Variants in ADRA1B observed in about 807,000 individuals in gnomAD.
The protein encoded by ADRA1B is alpha-1B adrenergic receptor.
Under a neutral mutation model 17.9 loss-of-function variants are expected in ADRA1B, and 17 were observed. That is an observed-to-expected ratio of 0.95 (90% CI 0.65 to 1.42). The LOEUF (loss-of-function observed/expected upper bound fraction) is 1.42, where lower values mean the gene tolerates loss of function less well. Among genes scored for constraint, ADRA1B ranks in the 40% most tolerant of loss-of-function variants. The pLI is 0.00. For synonymous variants in ADRA1B, 366 were observed against 327.6 expected, an observed-to-expected ratio of 1.12 and a Z score of -1.27; for missense variants, 681 against 722.1, an observed-to-expected ratio of 0.94 and a Z score of 0.65.
chr5:159,930,972 A>C (rs1394583081), intron 1 of ADRA1B, among the ~76,000 whole-genome samples: 1 of 147,996 alleles, frequency 6.8e-6, no homozygotes, highest in Non-Finnish European at 1.5e-5. Flanking sequence ...TTTTCAATCT[A>C]ATTTAACATA....
Position 159,972,111 on chromosome 5 carries a change from C to T in ADRA1B, c.1182C>T (p.Gly394=). Reference sequence around the variant, plus strand: ...ACACCTACCGGCCGTGGACGCGCGGCGGCTCGCTGGAGCGCTCGCAGTCGC... The same window carrying T: ...ACACCTACCGGCCGTGGACGCGCGGTGGCTCGCTGGAGCGCTCGCAGTCGC... ...CAYTYRPWTR[G]GSLERSQSRK... Residue 394 remains glycine (G), a synonymous_variant, in exon 2 of 2, where the codon GGC becomes GGT. Transcript: ENST00000306675. 3.1e-6 allele frequency: 4 copies of T among 1,300,142 alleles called. No individual in the cohort carries two copies. Among genetic ancestry groups the T allele is most frequent in the Non-Finnish European group, 3.9e-6 (4 of 1,017,528 alleles). 80.5% of individuals were successfully genotyped at this position (1,300,142 alleles called of 1,614,324 possible).
At chr5:159,951,403 G>A (rs938575689) in intron 1 of ADRA1B, 15 of 831,386 alleles carry the variant, frequency 1.8e-5, no homozygotes, top group South Asian at 5.3e-5. Context: ...GGTCATTAAT[G>A]GCAACAATAT....
Position 159,917,698 on chromosome 5 carries a change from C to A in ADRA1B, c.793C>A (p.Leu265Ile), listed in dbSNP as rs537149780. ...IHSKNFHEDTLSSTKAKGHNP... is the reference protein window; with the variant it reads ...IHSKNFHEDTISSTKAKGHNP... ...TTCCAAGAACTTTCACGAGGACACC[C>A]TTAGCAGTACCAAGGCCAAGGGCCA... Residue 265 changes from leucine to isoleucine, a missense_variant, in exon 1 of 2, where the codon CTT (leucine) becomes ATT (isoleucine). By Grantham distance (5) the Leu-to-Ile change is conservative. Transcript: ENST00000306675. 1.2e-5 allele frequency: 20 copies of A among 1,614,044 alleles called. No individual in the cohort carries two copies. The African/African-American group carries it at 1.7e-4, about 14-fold the overall frequency.
rs557077598 is a variant in ADRA1B, at chr5:159,929,423, GT to G, written c.949+11572del. Among the ~76,000 whole-genome samples the G allele has an allele frequency of 3.1e-3, 464 of 150,662 alleles. 3 individuals are homozygous for G. Among genetic ancestry groups the G allele is most frequent in the African/African-American group, 0.011 (453 of 41,134 alleles). ...AAGGAAATGCAAACTTTCAGCCAAA[GT>G]TTAGTTTGGGTTTTTTTTGGTTTTT... On this transcript the variant is annotated intron_variant, in intron 1 of 1. Coordinates refer to ENST00000306675, the MANE Select transcript of ADRA1B (RefSeq NM_000679.4).
At chr5:159,923,549 C>T (rs546369419) in intron 1 of ADRA1B, among the ~76,000 whole-genome samples, 3 of 152,230 alleles carry the variant, frequency 2.0e-5, no homozygotes, top group African/African-American at 4.8e-5. Context: ...AGAAGGGGAA[C>T]AGAGTGGGAA....
At chr5:159,983,761 A>ATT in the ADRA1B span, among the ~76,000 whole-genome samples, 1 of 151,480 alleles carries the variant, frequency 6.6e-6, no homozygotes, top group African/African-American at 2.4e-5. Flanking sequence ...GAGAGACAAG[A>ATT]TTTTTTTTTC....
intron 1 of ADRA1B, chr5:159,951,152 G>A (rs13171967): frequency 2.7e-6 from 2 of 748,350 alleles, no homozygotes; most frequent in African/African-American, 3.4e-5. Flanking sequence ...GATGACCCTT[G>A]TAGCTCCTCC....
rs1755891332 is a variant in ADRA1B, at chr5:159,972,332, A to G, written c.1403A>G (p.His468Arg). ...APEPPGRRGR[H>R]DSGPLFTFKL... ...GAGCCCCCCGGCCGCCGCGGCCGCC[A>G]CGACTCGGGCCCGCTCTTCACCTTC... Residue 468 changes from histidine to arginine, a missense_variant, in exon 2 of 2, where the codon CAC (histidine) becomes CGC (arginine). By Grantham distance (29) the His-to-Arg change is conservative. Coordinates refer to ENST00000306675, the MANE Select transcript of ADRA1B (RefSeq NM_000679.4). The G allele has an allele frequency of 6.9e-7, 1 of 1,444,290 alleles. No homozygotes were observed. Among genetic ancestry groups the G allele is most frequent in the South Asian group, 1.4e-5 (1 of 73,264 alleles). The allele number at this position is 1,444,290 out of a possible 1,614,324, so 89.5% of individuals were successfully genotyped here. A position where few individuals can be genotyped will look rare whatever the true frequency, so the allele number is the denominator to read the frequency against.
chr5:159,948,417 G>T, intron 1 of ADRA1B: 2 of 985,354 alleles, frequency 2.0e-6, no homozygotes, highest in Non-Finnish European at 2.4e-6. Flanking sequence ...ATGATTCAAA[G>T]CCACAAAGCG....
At chr5:159,920,089 C>CA (rs1239968688) in intron 1 of ADRA1B, among the ~76,000 whole-genome samples, 2 of 152,186 alleles carry the variant, frequency 1.3e-5, no homozygotes, top group Non-Finnish European at 2.9e-5. Flanking sequence ...GCCGAACCCC[C>CA]AGCAAATAGG....
intron 1 of ADRA1B, among the ~76,000 whole-genome samples, chr5:159,865,696 A>G (rs31694): frequency 0.8 from 122,182 of 152,180 alleles, 49,563 homozygotes; most frequent in African/African-American, 0.92. Flanking sequence ...AGAAAGCCCC[A>G]TTTTGTTCAA....
chr5:159,885,804 A>T (rs1350595383), intron 1 of ADRA1B, among the ~76,000 whole-genome samples: 1 of 152,216 alleles, frequency 6.6e-6, no homozygotes. Flanking sequence ...CAAGTTAGAC[A>T]GTGTTTACCA....
At chr5:159,936,558 T>C (rs896917733) in intron 1 of ADRA1B, among the ~76,000 whole-genome samples, 1 of 152,114 alleles carries the variant, frequency 6.6e-6, no homozygotes, top group Non-Finnish European at 1.5e-5. Context: ...ACTGATAGAT[T>C]AATTGGAAGT....
intron 1 of ADRA1B, among the ~76,000 whole-genome samples, chr5:159,884,029 A>G (rs1753895672): frequency 6.6e-6 from 1 of 152,236 alleles, no homozygotes. Context: ...TGAGCTGACT[A>G]CTTGCGACAG....
At chr5:159,988,882 A>T in the ADRA1B span, among the ~76,000 whole-genome samples, 1 of 152,340 alleles carries the variant, frequency 6.6e-6, no homozygotes, top group East Asian at 1.9e-4. Flanking sequence ...CAGGAGACTA[A>T]AACAGGAGGA....
intron 1 of ADRA1B, among the ~76,000 whole-genome samples, chr5:159,904,637 C>T (rs1260494503): frequency 1.3e-5 from 2 of 152,146 alleles, no homozygotes; most frequent in East Asian, 3.9e-4. Context: ...ATGTGTCAGG[C>T]CCACTCCAAA....
rs977772121 is a variant in ADRA1B, at chr5:159,895,811, C to T, written c.-255-20308C>T. Among the ~76,000 whole-genome samples the T allele has an allele frequency of 6.6e-5, 10 of 152,336 alleles. No individual in the cohort carries two copies. In the East Asian group the frequency reaches 1.2e-3, roughly 18 times the overall value. On this transcript the variant is annotated intron_variant, in intron 1 of 2. Transcript: ENST00000641205. ...CACCAAGCTGTGAGCTCCTGGAAGG[C>T]GTGGTCCAATTTCAGTGCTCCCGGG...
intron 1 of ADRA1B, among the ~76,000 whole-genome samples, chr5:159,867,354 T>C (rs1753671185): frequency 6.6e-6 from 1 of 152,174 alleles, no homozygotes; most frequent in Non-Finnish European, 1.5e-5. Context: ...AGAAATCTAT[T>C]TGTGTCTGCC....
At chr5:159,907,518 C>T (rs747303205) in intron 1 of ADRA1B, among the ~76,000 whole-genome samples, 7 of 150,948 alleles carry the variant, frequency 4.6e-5, no homozygotes, top group Non-Finnish European at 1.0e-4. Context: ...AAAAAAAATG[C>T]ATCAGTGACA....
Sources: gnomAD v4.1 joint callset for allele counts (sites outside exome capture counted in the v4.1 genomes callset) on GRCh38, gnomAD v4.1.1 for gene constraint, MANE v1.5 for transcripts, NCBI Gene and HGNC (gene_info 2026-07-23, HGNC 2026-07-21) for gene names.